Variants in MIPEP observed in about 807,000 individuals in gnomAD.
The protein encoded by MIPEP is mitochondrial intermediate peptidase.
In MIPEP, 79 loss-of-function variants were observed where a neutral mutation model predicts 90.3. The ratio of observed to expected loss-of-function variants is 0.87; its 90% CI spans 0.73 to 1.05. The LOEUF (loss-of-function observed/expected upper bound fraction) is 1.05, where lower values mean the gene tolerates loss of function less well. MIPEP is among the 50% of genes least tolerant of loss of function. The probability of loss-of-function intolerance (pLI) is 0.00; values close to 1 mark genes in which losing one functional copy is unlikely to be tolerated. For missense variants in MIPEP, 940 were observed against 905.6 expected, an observed-to-expected ratio of 1.04 and a Z score of -0.49; for synonymous variants, 334 against 315.8, an observed-to-expected ratio of 1.06 and a Z score of -0.61.
intron 14 of MIPEP, among the ~76,000 whole-genome samples, chr13:23,825,001 G>T (rs1338415588): frequency 6.6e-6 from 1 of 152,142 alleles, no homozygotes; most frequent in Admixed American, 6.5e-5. Context: ...ATAATACTGT[G>T]CTTTACAGTT....
intron 16 of MIPEP, among the ~76,000 whole-genome samples, chr13:23,792,436 G>C (rs1952906613): frequency 6.6e-6 from 1 of 152,204 alleles, no homozygotes; most frequent in Non-Finnish European, 1.5e-5. Flanking sequence ...GCCCAGGCTA[G>C]AATGCACTGG....
At chr13:23,790,958 T>G (rs1415191759) in intron 16 of MIPEP, among the ~76,000 whole-genome samples, 1 of 152,152 alleles carries the variant, frequency 6.6e-6, no homozygotes, top group Non-Finnish European at 1.5e-5. Context: ...TTACTGTAAC[T>G]GGAACCCCTT....
At chr13:23,878,180 CAATT>C (rs1279105606) in intron 4 of MIPEP, among the ~76,000 whole-genome samples, 7 of 152,130 alleles carry the variant, frequency 4.6e-5, no homozygotes, top group Non-Finnish European at 2.9e-5. Context: ...AAATCTGGCA[CAATT>C]AATAGGCATT....
At chr13:23,831,383 C>CGGGGGG (rs1555237542) in intron 14 of MIPEP, among the ~76,000 whole-genome samples, 9 of 40,906 alleles carry the variant, frequency 2.2e-4, no homozygotes, top group African/African-American at 5.8e-4. Context: ...TTCCCCATGG[C>CGGGGGG]GGGGGGGGGA....
At position 23,876,722 on chromosome 13, in the gene MIPEP, C is replaced by T. The variant is rs192017634; in HGVS notation, c.540-1813G>A. Among the ~76,000 whole-genome samples the T allele has an allele frequency of 1.6e-4, 24 of 152,174 alleles. 1 individual carries two copies. The East Asian group carries it at 4.0e-3, about 26-fold the overall frequency. ...GACTTTGAATGTGGAAGCGTTTTGCCTTACCAAAGTTTGCAATGTTTATAT... is the reference window on the plus strand; with the variant it reads ...GACTTTGAATGTGGAAGCGTTTTGCTTTACCAAAGTTTGCAATGTTTATAT... On this transcript the variant is annotated intron_variant, in intron 4 of 18. Transcript: ENST00000382172.
rs550715185 is a variant in MIPEP at position 23,738,581 on chromosome 13, G to A, written c.2045-8136C>T. ...CCTTCCACCTCCGCCTTCCTCAGCT[G>A]GGACTATAGGAATGCACCACCACGC... On this transcript the variant is annotated intron_variant, in intron 18 of 18. Coordinates refer to ENST00000382172, the MANE Select transcript of MIPEP (RefSeq NM_005932.4). Among the ~76,000 whole-genome samples, 172 of 151,528 alleles carry A rather than the reference G, an allele frequency of 1.1e-3. 1 individual carries two copies. The highest frequency in any genetic ancestry group is 2.1e-3 in the Non-Finnish European group (142 of 67,898).
intron 15 of MIPEP, among the ~76,000 whole-genome samples, chr13:23,809,088 C>T (rs1953143318): frequency 6.6e-6 from 1 of 152,148 alleles, no homozygotes. Flanking sequence ...GCAGACCTGG[C>T]ATCCAGATGG....
At chr13:23,864,919 C>A (rs1870467152) in intron 7 of MIPEP, among the ~76,000 whole-genome samples, 1 of 151,692 alleles carries the variant, frequency 6.6e-6, no homozygotes, top group South Asian at 2.1e-4. Flanking sequence ...AAGTATAATT[C>A]CCTGAAATAA....
intron 16 of MIPEP, among the ~76,000 whole-genome samples, chr13:23,766,766 A>G (rs1422193884): frequency 6.6e-6 from 1 of 152,150 alleles, no homozygotes; most frequent in Non-Finnish European, 1.5e-5. Context: ...TGGTGGACAC[A>G]CTCTCAGGAG....
At chr13:23,786,066 A>G (rs147863744) in intron 16 of MIPEP, among the ~76,000 whole-genome samples, 2 of 152,274 alleles carry the variant, frequency 1.3e-5, no homozygotes, top group African/African-American at 4.8e-5. Context: ...AAAAAACAGT[A>G]ATAAAAAAAA....
chr13:23,802,918 C>T (rs1157473716), intron 16 of MIPEP, among the ~76,000 whole-genome samples: 1 of 152,132 alleles, frequency 6.6e-6, no homozygotes, highest in African/African-American at 2.4e-5. Flanking sequence ...TTAAGGTAGG[C>T]TAGGCTAAGC....
chr13:23,769,155 T>C (rs933724162), intron 16 of MIPEP, among the ~76,000 whole-genome samples: 15 of 152,208 alleles, frequency 9.9e-5, no homozygotes, highest in Middle Eastern at 3.4e-3. Flanking sequence ...CATGCTAACA[T>C]TGGGAAAGTG....
intron 2 of MIPEP, among the ~76,000 whole-genome samples, chr13:23,882,844 T>C (rs947545786): frequency 1.3e-5 from 2 of 152,154 alleles, no homozygotes; most frequent in Admixed American, 6.5e-5. Context: ...AAATGAGTTA[T>C]GTAAATTTAC....
At chr13:23,858,797 C>T in intron 10 of MIPEP, 63 bp downstream of exon 10, 2 of 1,428,790 alleles carry the variant, frequency 1.4e-6, no homozygotes, top group Non-Finnish European at 2.0e-6. Context: ...ATGACAGTAG[C>T]TGCTGAATAA....
At chr13:23,844,516 G>A (rs1477011048) in intron 10 of MIPEP, among the ~76,000 whole-genome samples, 1 of 152,188 alleles carries the variant, frequency 6.6e-6, no homozygotes, top group East Asian at 1.9e-4. Flanking sequence ...TACCAGAGCA[G>A]AAACCTCCCA....
chr13:23,793,518 G>A (rs372109325), intron 16 of MIPEP, among the ~76,000 whole-genome samples: 36 of 152,102 alleles, frequency 2.4e-4, no homozygotes, highest in African/African-American at 8.7e-4. Flanking sequence ...TGTACTTTAT[G>A]TACATTATAT....
At chr13:23,861,943 G>A (rs150603907) in intron 9 of MIPEP, among the ~76,000 whole-genome samples, 21 of 152,286 alleles carry the variant, frequency 1.4e-4, no homozygotes, top group Non-Finnish European at 2.2e-4. Flanking sequence ...CATTAACACT[G>A]ATGGTTAAAA....
intron 16 of MIPEP, among the ~76,000 whole-genome samples, chr13:23,768,058 A>C (rs141493735): frequency 5.9e-4 from 90 of 152,308 alleles, no homozygotes; most frequent in African/African-American, 2.0e-3. Context: ...TGCAAAAGGA[A>C]GCTACTCGCC....
chr13:23,884,854 T>C (rs1402867288), intron 2 of MIPEP, among the ~76,000 whole-genome samples: 1 of 152,230 alleles, frequency 6.6e-6, no homozygotes, highest in African/African-American at 2.4e-5. Context: ...TATGCAGTTC[T>C]ATACCATGTA....
Sources: allele counts gnomAD v4.1 joint callset (sites outside exome capture counted in the v4.1 genomes callset), GRCh38; gene constraint gnomAD v4.1.1; transcripts MANE v1.5; gene names NCBI Gene and HGNC (gene_info 2026-07-23, HGNC 2026-07-21).